Variants in RFNG observed in about 807,000 individuals in gnomAD.
The protein encoded by RFNG is RFNG O-fucosylpeptide 3-beta-N-acetylglucosaminyltransferase.
In RFNG, 37 loss-of-function variants were observed where a neutral mutation model predicts 29.6. That is an observed-to-expected ratio of 1.25 (90% confidence interval 0.96 to 1.65). The LOEUF is 1.65. RFNG is among the 40% of genes most tolerant of loss of function. The probability of loss-of-function intolerance (pLI) is 0.00; values close to 1 mark genes in which losing one functional copy is unlikely to be tolerated. For synonymous variants in RFNG, 276 were observed against 197.3 expected (o/e 1.40, Z -3.34); for missense variants, 546 against 457.0 (o/e 1.19, Z -1.78).
chr17:82,049,343 G>C (rs893896219), intron 6 of RFNG: 1 of 700,026 alleles, frequency 1.4e-6, no homozygotes. Flanking sequence ...CCAGGGCAAA[G>C]CTGACCCTCA....
Position 82,050,687 on chromosome 17 carries a change from C to T in RFNG, c.394G>A (p.Asp132Asn). The T allele has an allele frequency of 6.2e-7, 1 of 1,613,290 alleles. No homozygotes were observed. Among genetic ancestry groups the T allele is most frequent in the Non-Finnish European group, 8.5e-7 (1 of 1,179,950 alleles). ...TTGCGCCCGGACTCAATGAACTTGT[C>T]ATACTCCACGGACATCTTGCAGCAG... Reference protein sequence around the residue: ...ALCCKMSVEYDKFIESGRKWF... With the variant: ...ALCCKMSVEYNKFIESGRKWF... Residue 132 changes from aspartate (D) to asparagine (N), a missense_variant, in exon 3 of 8, where the codon GAC (aspartate) becomes AAC (asparagine). Asp to Asn is a conservative substitution (Grantham distance 23). Transcript: ENST00000310496.
At chr17:82,050,631 G>A in intron 3 of RFNG, 31 bp downstream of exon 3, 1 of 1,610,898 alleles carries the variant, frequency 6.2e-7, no homozygotes, top group Non-Finnish European at 8.5e-7. Context: ...TTGGCTCTGA[G>A]CTCTCTGCGG....
At position 82,051,384 on chromosome 17, in the gene RFNG, A is replaced by T; in HGVS notation, c.268-42T>A. On this transcript the variant is annotated intron_variant, in intron 1 of 7. Coordinates refer to ENST00000310496, the MANE Select transcript of RFNG (RefSeq NM_002917.2). This position sits in a 1 kb window ranked among gnomAD's most constrained non-coding sequence, Gnocchi z 4.1. ...CTATGAGGCTTCTGGGGCGCTGCCC[A>T]GGCCGGAGACCGACCCGCCCCGCGC... is the stretch of plus-strand genomic sequence containing the variant. 6.9e-7 allele frequency: 1 copy of T among 1,439,428 alleles called. No individual in the cohort carries two copies. The highest frequency in any genetic ancestry group is 9.1e-7 in the Non-Finnish European group (1 of 1,103,126). 89.2% of individuals were successfully genotyped at this position (1,439,428 alleles called of 1,614,324 possible). A position where few individuals can be genotyped will look rare whatever the true frequency, so the allele number is the denominator to read the frequency against.
At position 82,049,373 on chromosome 17, in the gene RFNG, G is replaced by A. The variant is rs903057212; in HGVS notation, c.829-257C>T. Reference sequence around the variant, plus strand: ...CCCTCATTCCCTCCCTGCTCCACGTGATGGGACCTGTTCCGACTCACCATC... The same window carrying A: ...CCCTCATTCCCTCCCTGCTCCACGTAATGGGACCTGTTCCGACTCACCATC... On this transcript the variant is annotated intron_variant, in intron 6 of 7. Transcript: ENST00000310496. 5 of 698,630 alleles carry A rather than the reference G, an allele frequency of 7.2e-6. No individual in the cohort carries two copies. In the African/African-American group the frequency reaches 8.7e-5, roughly 12 times the overall value. 43.3% of individuals were successfully genotyped at this position (698,630 alleles called of 1,614,324 possible). A position where few individuals can be genotyped will look rare whatever the true frequency, so the allele number is the denominator to read the frequency against.
intron 7 of RFNG, 49 bp from the exon 8 acceptor site, chr17:82,048,856 G>C (rs769921589): frequency 8.5e-6 from 13 of 1,535,292 alleles, no homozygotes; most frequent in Admixed American, 3.4e-5. Context: ...AGAGAGAAGC[G>C]GGGGCCAGGG....
Position 82,050,542 on chromosome 17 carries a change from C to T in RFNG, c.433G>A (p.Val145Met), listed in dbSNP as rs1467589494. The change falls in exon 4 of 8, where the codon GTG becomes ATG. Residue 145 changes from valine (V) to methionine (M), a missense_variant. Val to Met is a conservative substitution (Grantham distance 21). Coordinates refer to ENST00000310496, the MANE Select transcript of RFNG (RefSeq NM_002917.2). ...IESGRKWFCH[V>M]DDDNYVNARS... ...GCGTTCACATAATTGTCATCATCCA[C>T]GTGGCAAAACCACCTGTGGGCGAGG... 6 of 1,611,572 alleles carry T rather than the reference C, an allele frequency of 3.7e-6. No individual in the cohort carries two copies. Among genetic ancestry groups the T allele is most frequent in the East Asian group, 2.2e-5 (1 of 44,870 alleles).
intron 2 of RFNG, 44 bp from the exon 3 acceptor site, chr17:82,050,808 G>A (rs765665139): frequency 5.0e-6 from 8 of 1,588,084 alleles, no homozygotes; most frequent in Middle Eastern, 1.7e-4. Flanking sequence ...GGATGGCACT[G>A]GGGTTGGGGT....
At position 82,049,811 on chromosome 17, in the gene RFNG, C is replaced by T. The variant is rs1202124625; in HGVS notation, c.694G>A (p.Val232Met). ...ACTGTGCAGTCATCCGGCAGCCGCA[C>T]CTGCTCAGCTGTGCTCATGAAGCTG... ...LGSFMSTAEQ[V>M]RLPDDCTVGY... Residue 232 changes from valine (V) to methionine (M), a missense_variant, in exon 6 of 8, where the codon GTG (valine) becomes ATG (methionine). By Grantham distance (21) the Val-to-Met change is conservative. Coordinates refer to ENST00000310496, the MANE Select transcript of RFNG (RefSeq NM_002917.2). 4.5e-6 allele frequency: 7 copies of T among 1,562,844 alleles called. No homozygotes were observed. The highest frequency in any genetic ancestry group is 2.3e-5 in the East Asian group (1 of 44,438).
At position 82,050,414 on chromosome 17, in the gene RFNG, C is replaced by A; in HGVS notation, c.561G>T (p.Gln187His). 1 of 1,590,820 alleles carries A rather than the reference C, an allele frequency of 6.3e-7. No homozygotes were observed. ...CTCCGACACTCACAGTTCTGCCACCCTGGACCCTCTCGGTGGCCTCAATGG... is the reference window on the plus strand; with the variant it reads ...CTCCGACACTCACAGTTCTGCCACCATGGACCCTCTCGGTGGCCTCAATGG... ...DHPIEATERV[Q>H]GGRTVTTVKF... Residue 187 changes from glutamine (Q) to histidine (H), a missense_variant, in exon 4 of 8, where the codon CAG (glutamine) becomes CAT (histidine). Physicochemically the swap from Gln to His is conservative, Grantham distance 24 (BLOSUM62 0). Transcript: ENST00000310496.
rs903548286 is a variant in RFNG at position 82,051,527 on chromosome 17, G to A, written c.240C>T (p.Arg80=). The change falls in exon 1 of 8, where the codon CGC becomes CGT. Residue 80 remains arginine, a synonymous_variant. Transcript: ENST00000310496. This position sits in a 1 kb window ranked among gnomAD's most constrained non-coding sequence, Gnocchi z 4.1. Reference sequence around the variant, plus strand: ...GCTGGCGGGCCCGGGAGATCCAGGTGCGCAGCAGCAGCCGCAGGCGCGGCC... The same window carrying A: ...GCTGGCGGGCCCGGGAGATCCAGGTACGCAGCAGCAGCCGCAGGCGCGGCC... ...NHGPRLRLLL[R]TWISRARQQT... 2 of 1,400,060 alleles carry A rather than the reference G, an allele frequency of 1.4e-6. No homozygotes were observed. Among genetic ancestry groups the A allele is most frequent in the South Asian group, 1.5e-5 (1 of 65,310 alleles). The allele number at this position is 1,400,060 out of a possible 1,614,324, so 86.7% of individuals were successfully genotyped here. A position where few individuals can be genotyped will look rare whatever the true frequency, so the allele number is the denominator to read the frequency against.
At chr17:82,049,009 GC>G in intron 7 of RFNG, 21 bp downstream of exon 7, 1 of 1,610,864 alleles carries the variant, frequency 6.2e-7, no homozygotes, top group Non-Finnish European at 8.5e-7. Context: ...CCGAGGGCCT[GC>G]CCATGCCACT....
At position 82,048,457 on chromosome 17, in the gene RFNG, C is replaced by G; in HGVS notation, c.*269G>C. Reference sequence around the variant, plus strand: ...AAGTGCTGGGGTGGAAGCCTGTTCCCGTGGGATCAACCTTGGGGCTGGGTC... The same window carrying G: ...AAGTGCTGGGGTGGAAGCCTGTTCCGGTGGGATCAACCTTGGGGCTGGGTC... On this transcript the variant is annotated 3_prime_UTR_variant, in exon 8 of 8. Transcript: ENST00000310496. 2.0e-6 allele frequency: 1 copy of G among 508,798 alleles called. No homozygotes were observed. The highest frequency in any genetic ancestry group is 3.6e-6 in the Non-Finnish European group (1 of 278,318). The allele number at this position is 508,798 out of a possible 1,614,324, so 31.5% of individuals were successfully genotyped here. A position where few individuals can be genotyped will look rare whatever the true frequency, so the allele number is the denominator to read the frequency against.
In RFNG at chr17:82,051,414, C is replaced by A. The variant is rs2030558667; in HGVS notation, c.268-72G>T. 7 of 1,388,916 alleles carry A rather than the reference C, an allele frequency of 5.0e-6. No individual in the cohort carries two copies. The allele number at this position is 1,388,916 out of a possible 1,614,324, so 86.0% of individuals were successfully genotyped here. A position where few individuals can be genotyped will look rare whatever the true frequency, so the allele number is the denominator to read the frequency against. On this transcript the variant is annotated intron_variant, in intron 1 of 7. Coordinates refer to ENST00000310496, the MANE Select transcript of RFNG (RefSeq NM_002917.2). This position sits in a 1 kb window ranked among gnomAD's most constrained non-coding sequence, Gnocchi z 4.1. ...GGAGACCGACCCGCCCCGCGCGGAGCCTCCGGGGGCCTGGGCCGGGCCTAG... is the reference window on the plus strand; with the variant it reads ...GGAGACCGACCCGCCCCGCGCGGAGACTCCGGGGGCCTGGGCCGGGCCTAG...
rs1347229510 is a variant in RFNG at position 82,048,476 on chromosome 17, C to A, written c.*250G>T. On this transcript the variant is annotated 3_prime_UTR_variant, in exon 8 of 8. Transcript: ENST00000310496. ...TGTTCCCGTGGGATCAACCTTGGGG[C>A]TGGGTCGGGGGGAGGGGCACTGCGG... 1.5e-5 allele frequency: 8 copies of A among 539,646 alleles called. No individual in the cohort carries two copies. The East Asian group carries it at 2.5e-4, about 17-fold the overall frequency. The allele number at this position is 539,646 out of a possible 1,614,324, so 33.4% of individuals were successfully genotyped here.
At chr17:82,050,377 C>T (rs758060380) in intron 4 of RFNG, 25 bp downstream of exon 4, 78 of 1,543,544 alleles carry the variant, frequency 5.1e-5, no homozygotes, top group Middle Eastern at 1.7e-4. Flanking sequence ...GCGTCTGCTC[C>T]GATGGCGTCT....
Position 82,050,076 on chromosome 17 carries a change from C to T in RFNG, c.574-70G>A, listed in dbSNP as rs941966496. On this transcript the variant is annotated intron_variant, in intron 4 of 7. Coordinates refer to ENST00000310496, the MANE Select transcript of RFNG (RefSeq NM_002917.2). ...CACCCCTGACTCTTCATGGGACTCCCCAGGCATCTTTCTTAAGCTGCCCCT... is the reference window on the plus strand; with the variant it reads ...CACCCCTGACTCTTCATGGGACTCCTCAGGCATCTTTCTTAAGCTGCCCCT... The T allele has an allele frequency of 3.0e-6, 4 of 1,327,772 alleles. No individual in the cohort carries two copies. In the African/African-American group the frequency reaches 5.8e-5, roughly 19 times the overall value. The allele number at this position is 1,327,772 out of a possible 1,614,324, so 82.2% of individuals were successfully genotyped here. A position where few individuals can be genotyped will look rare whatever the true frequency, so the allele number is the denominator to read the frequency against.
chr17:82,051,377 G>A lies in RFNG; in HGVS notation c.268-35C>T, dbSNP rs2030547847. ...AAACAATCTATGAGGCTTCTGGGGC[G>A]CTGCCCAGGCCGGAGACCGACCCGC... On this transcript the variant is annotated intron_variant, in intron 1 of 7. Coordinates refer to ENST00000310496, the MANE Select transcript of RFNG (RefSeq NM_002917.2). The surrounding 1 kb of genome is among the most constrained non-coding windows in gnomAD (Gnocchi z 4.1). 3 of 1,445,864 alleles carry A rather than the reference G, an allele frequency of 2.1e-6. No individual in the cohort carries two copies. Among genetic ancestry groups the A allele is most frequent in the Non-Finnish European group, 2.7e-6 (3 of 1,107,080 alleles). The allele number at this position is 1,445,864 out of a possible 1,614,324, so 89.6% of individuals were successfully genotyped here. A position where few individuals can be genotyped will look rare whatever the true frequency, so the allele number is the denominator to read the frequency against.
At position 82,049,754 on chromosome 17, in the gene RFNG, G is replaced by A. The variant is rs771075644; in HGVS notation, c.751C>T (p.Arg251Cys). The A allele has an allele frequency of 5.9e-6, 9 of 1,521,656 alleles. No individual in the cohort carries two copies. Among genetic ancestry groups the A allele is most frequent in the South Asian group, 1.3e-5 (1 of 75,472 alleles). The allele number at this position is 1,521,656 out of a possible 1,614,324, so 94.3% of individuals were successfully genotyped here. The change falls in exon 6 of 8, where the codon CGC becomes TGC. Residue 251 changes from arginine (R) to cysteine (C), a missense_variant. By Grantham distance (180) the Arg-to-Cys change is radical (BLOSUM62 -3). Transcript: ENST00000310496. ...TGGAAGAGGGGGCTGTGCAGCAGGC[G>A]GGCGCCCAGGAGCCCCTCCACGATG... ...GYIVEGLLGA[R>C]LLHSPLFHSH...
rs1339970363 is a variant in RFNG, at chr17:82,048,095, C to T, written c.*631G>A. Reference sequence around the variant, plus strand: ...CAGGCACAGTGGGGCAGGAGCACGACCCAGAAAGTAGTCCTGAGCCACAAG... The same window carrying T: ...CAGGCACAGTGGGGCAGGAGCACGATCCAGAAAGTAGTCCTGAGCCACAAG... On this transcript the variant is annotated 3_prime_UTR_variant, in exon 8 of 8. Coordinates refer to ENST00000310496, the MANE Select transcript of RFNG (RefSeq NM_002917.2). 3 of 152,812 alleles carry T rather than the reference C, an allele frequency of 2.0e-5. No individual in the cohort carries two copies. The highest frequency in any genetic ancestry group is 4.4e-5 in the Non-Finnish European group (3 of 68,506). 9.5% of individuals were successfully genotyped at this position (152,812 alleles called of 1,614,324 possible).
Sources: gnomAD v4.1 joint callset for allele counts on GRCh38, gnomAD v4.1.1 for gene constraint, Gnocchi (gnomAD v3.1) non-coding constraint, MANE v1.5 for transcripts, NCBI Gene and HGNC (gene_info 2026-07-23, HGNC 2026-07-21) for gene names.